PMPCB: variants seen among roughly 807,000 people sequenced by gnomAD.
PMPCB encodes the protein mitochondrial-processing peptidase subunit beta.
Under a neutral mutation model 61.5 loss-of-function variants are expected in PMPCB, and 46 were observed. The ratio of observed to expected loss-of-function variants is 0.75; its 90% CI spans 0.59 to 0.96. The LOEUF (loss-of-function observed/expected upper bound fraction) is 0.96, where lower values mean the gene tolerates loss of function less well. PMPCB is among the 40% of genes least tolerant of loss of function. The pLI, the probability that PMPCB is intolerant of heterozygous loss-of-function variation, is 0.00. For missense variants in PMPCB, 590 were observed against 602.4 expected (o/e 0.98, Z 0.22); for synonymous variants, 191 against 201.6 (o/e 0.95, Z 0.44).
chr7:103,298,785 T>C (rs1017304949), intron 2 of PMPCB, 77 bp downstream of exon 2: 8 of 1,406,720 alleles, frequency 5.7e-6, no homozygotes, highest in African/African-American at 1.4e-5. Context: ...CTTTAGCTTT[T>C]TCGTTGGCTG....
intron 12 of PMPCB, among the ~76,000 whole-genome samples, chr7:103,324,242 T>A (rs1431133658): frequency 2.0e-5 from 3 of 152,186 alleles, no homozygotes; most frequent in Non-Finnish European, 4.4e-5. Flanking sequence ...AAAATGTACT[T>A]ATTTTTATTC....
chr7:103,335,315 T>G, the PMPCB span: 9 of 152,190 alleles, frequency 5.9e-5, no homozygotes, highest in Non-Finnish European at 1.0e-4. Flanking sequence ...TTTTAACTTT[T>G]AGATAGATTT....
chr7:103,316,556 C>A, downstream of PMPCB: 1 of 389,592 alleles, frequency 2.6e-6, no homozygotes, highest in Non-Finnish European at 4.6e-6. Context: ...TAGAACAAGC[C>A]ATGACAGAGT....
rs186518738 is a variant in PMPCB at position 103,322,430 on chromosome 7, T to A, written c.*1432-6501T>A. 1,197 of 1,293,796 alleles carry A rather than the reference T, an allele frequency of 9.3e-4. 6 individuals carry two copies. The African/African-American group carries it at 0.014, about 15-fold the overall frequency. 80.1% of individuals were successfully genotyped at this position (1,293,796 alleles called of 1,614,324 possible). ...TCTGCTTTCGAATTATAGTTTTTTT[T>A]AAAAAAAGATGTGAAGATTAAAGTG... is the stretch of plus-strand genomic sequence containing the variant. On this transcript the variant is annotated intron_variant and NMD_transcript_variant, in intron 12 of 12. Coordinates refer to the PMPCB transcript ENST00000444457.
chr7:103,327,291 A>T (rs1336613484), intron 12 of PMPCB: 1 of 1,175,776 alleles, frequency 8.5e-7, no homozygotes, highest in South Asian at 1.3e-5. Context: ...AACGAAAAAA[A>T]AAAAAATCTT....
chr7:103,322,516 C>G (rs1818476392), intron 12 of PMPCB: 4 of 1,485,076 alleles, frequency 2.7e-6, no homozygotes, highest in Non-Finnish European at 3.7e-6. Context: ...CTTACTTTTT[C>G]TTTAGCTTCT....
chr7:103,336,705 T>C, the PMPCB span: 4 of 152,276 alleles, frequency 2.6e-5, no homozygotes, highest in South Asian at 6.2e-4. Context: ...AATGGACTTT[T>C]CTGGCATTTA....
chr7:103,338,277 T>C, the PMPCB span, among the ~76,000 whole-genome samples: 8 of 150,754 alleles, frequency 5.3e-5, no homozygotes, highest in Non-Finnish European at 1.2e-4. Context: ...CTTTTTTTTT[T>C]TTTTTTTAAT....
intron 7 of PMPCB, among the ~76,000 whole-genome samples, chr7:103,308,187 A>G (rs1042347541): frequency 6.6e-6 from 1 of 152,254 alleles, no homozygotes; most frequent in Non-Finnish European, 1.5e-5. Context: ...TTTAAGCCCC[A>G]CTAGCTGCTT....
At chr7:103,339,974 G>A in the PMPCB span, among the ~76,000 whole-genome samples, 3 of 152,158 alleles carry the variant, frequency 2.0e-5, no homozygotes, top group African/African-American at 7.2e-5. Context: ...AAGTAGCTGC[G>A]ATTACAGGCA....
chr7:103,310,272 C>A lies in PMPCB; in HGVS notation c.994-43C>A, dbSNP rs375191523. 28 of 1,481,788 alleles carry A rather than the reference C, an allele frequency of 1.9e-5. No individual in the cohort carries two copies. In the African/African-American group the frequency reaches 2.5e-4, roughly 13 times the overall value. The allele number at this position is 1,481,788 out of a possible 1,614,324, so 91.8% of individuals were successfully genotyped here. ...TCCATTTTTCTTTCTGTATTTTGGA[C>A]ATGTATAATTAAAATTCTCTTGGAA... On this transcript the variant is annotated intron_variant, in intron 8 of 12. Coordinates refer to ENST00000249269, the MANE Select transcript of PMPCB (RefSeq NM_004279.3).
chr7:103,321,780 G>A (rs1026260322), intron 12 of PMPCB: 61 of 787,894 alleles, frequency 7.7e-5, no homozygotes, highest in African/African-American at 3.5e-5. Flanking sequence ...ACCCGGAGGC[G>A]GAAATTGCGG....
At chr7:103,321,179 C>T (rs1818387385) in intron 12 of PMPCB, among the ~76,000 whole-genome samples, 1 of 152,026 alleles carries the variant, frequency 6.6e-6, no homozygotes, top group African/African-American at 2.4e-5. Context: ...GCCTGAGTGA[C>T]TGAGACCCTG....
chr7:103,323,653 CA>C, intron 12 of PMPCB: 1 of 1,436,860 alleles, frequency 7.0e-7, no homozygotes, highest in Non-Finnish European at 9.5e-7. Flanking sequence ...CTCCAAGAAT[CA>C]AAATTATACC....
downstream of PMPCB, chr7:103,316,095 G>C: frequency 6.6e-7 from 1 of 1,523,886 alleles, no homozygotes. Context: ...CCATCTGATA[G>C]GATATATTAT....
chr7:103,345,815 C>T, the PMPCB span, among the ~76,000 whole-genome samples: 1 of 151,706 alleles, frequency 6.6e-6, no homozygotes, highest in East Asian at 1.9e-4. Flanking sequence ...CACTTCAAAA[C>T]TGACTTTTCA....
downstream of PMPCB, among the ~76,000 whole-genome samples, chr7:103,318,639 G>A (rs1481452130): frequency 2.6e-5 from 4 of 152,128 alleles, no homozygotes; most frequent in Admixed American, 2.6e-4. Context: ...TAGGCATAGT[G>A]CTATATATAG....
Position 103,297,557 on chromosome 7 carries a change from G to C in PMPCB, c.98G>C (p.Arg33Pro), listed in dbSNP as rs1586034787. The change falls in exon 1 of 13, where the codon CGG (arginine) becomes CCG (proline). Residue 33 changes from arginine (R) to proline (P), a missense_variant and splice_region_variant. By Grantham distance (103) the Arg-to-Pro change is moderately radical. Transcript: ENST00000249269. ...CTTCTAATCCGAGGCGCTGCGGGAC[G>C]GGTGAGCTTCCCTCCAGGCCGGTCC... ...ESLLIRGAAGRSLYFGENRLR... is the reference protein window; with the variant it reads ...ESLLIRGAAGPSLYFGENRLR... 6.2e-7 allele frequency: 1 copy of C among 1,611,002 alleles called. No individual in the cohort carries two copies.
downstream of PMPCB, chr7:103,315,953 TG>T: frequency 1.3e-6 from 2 of 1,547,100 alleles, no homozygotes; most frequent in Non-Finnish European, 1.8e-6. Context: ...TAAAAATAGG[TG>T]TTTAAAGTAA....
Sources: allele counts gnomAD v4.1 joint callset (sites outside exome capture counted in the v4.1 genomes callset), GRCh38; gene constraint gnomAD v4.1.1; transcripts MANE v1.5; gene names NCBI Gene and HGNC (gene_info 2026-07-23, HGNC 2026-07-21).